The following KAZN variants were observed in gnomAD, a reference collection of about 807,000 sequenced individuals.
The protein encoded by KAZN is kazrin, periplakin interacting protein, also known as kazrin.
In KAZN, 40 loss-of-function variants were observed where a neutral mutation model predicts 87.4. The observed-to-expected ratio is 0.46, with a 90% CI of 0.36 to 0.60. The LOEUF is 0.60. KAZN is among the 20% of genes least tolerant of loss of function. KAZN has a pLI of 0.00. For synonymous variants in KAZN, 466 were observed against 458.3 expected (o/e 1.02, Z -0.22); for missense variants, 898 against 1,073.9 (o/e 0.84, Z 2.29).
intron 1 of KAZN, among the ~76,000 whole-genome samples, chr1:14,070,656 T>C (rs546607208): frequency 2.0e-5 from 3 of 152,214 alleles, no homozygotes; most frequent in Non-Finnish European, 4.4e-5. Flanking sequence ...ACCATATATG[T>C]GTGCTAGTTC....
intron 2 of KAZN, among the ~76,000 whole-genome samples, chr1:14,479,189 G>A (rs1668936343): frequency 6.6e-6 from 1 of 152,204 alleles, no homozygotes; most frequent in Non-Finnish European, 1.5e-5. Flanking sequence ...CAATGGAAAA[G>A]GCCCTGGGAC....
intron 2 of KAZN, among the ~76,000 whole-genome samples, chr1:14,280,747 TC>T (rs899898281): frequency 4.2e-4 from 64 of 152,244 alleles, no homozygotes; most frequent in African/African-American, 1.5e-3. Context: ...TACAAATACA[TC>T]CCATACACAG....
intron 1 of KAZN, among the ~76,000 whole-genome samples, chr1:14,930,415 C>T (rs935982453): frequency 2.0e-5 from 3 of 152,184 alleles, no homozygotes; most frequent in Non-Finnish European, 4.4e-5. Flanking sequence ...TTTATTCCCT[C>T]CCCTCACAGC....
chr1:14,539,921 T>G (rs751715546), intron 2 of KAZN, among the ~76,000 whole-genome samples: 1 of 152,200 alleles, frequency 6.6e-6, no homozygotes, highest in Non-Finnish European at 1.5e-5. Flanking sequence ...CTTTTCCTGA[T>G]CTCAATGACA....
intron 8 of KAZN, among the ~76,000 whole-genome samples, chr1:15,086,371 C>T (rs896049301): frequency 6.6e-6 from 1 of 152,166 alleles, no homozygotes; most frequent in Non-Finnish European, 1.5e-5. Context: ...GAAACAACAT[C>T]GTCAAAGCGC....
intron 2 of KAZN, among the ~76,000 whole-genome samples, chr1:14,977,875 G>A (rs756677153): frequency 4.6e-5 from 7 of 151,052 alleles, no homozygotes; most frequent in East Asian, 3.9e-4. Context: ...CTGCTGTGGG[G>A]TGCACGTCTT....
chr1:14,847,139 A>G (rs1316105490), intron 1 of KAZN, among the ~76,000 whole-genome samples: 1 of 152,204 alleles, frequency 6.6e-6, no homozygotes, highest in Admixed American at 6.5e-5. Flanking sequence ...AATAAAAATA[A>G]AAGATATGCC....
chr1:14,805,815 C>G (rs1456497405), intron 1 of KAZN, among the ~76,000 whole-genome samples: 1 of 149,692 alleles, frequency 6.7e-6, no homozygotes, highest in Non-Finnish European at 1.5e-5. Context: ...AAATTAAAAT[C>G]TGGCTAGATA....
chr1:14,901,208 C>T (rs547687437), intron 1 of KAZN, among the ~76,000 whole-genome samples: 1 of 152,186 alleles, frequency 6.6e-6, no homozygotes, highest in Non-Finnish European at 1.5e-5. Flanking sequence ...TGGCACCTGA[C>T]GTAGACCTGA....
chr1:14,316,560 C>G (rs981044189), intron 2 of KAZN, among the ~76,000 whole-genome samples: 7 of 151,756 alleles, frequency 4.6e-5, no homozygotes, highest in African/African-American at 9.7e-5. Flanking sequence ...TTATTGATGT[C>G]TGCTGTTACC....
chr1:14,040,803 A>ATAAAATTAAATTAACTTAAAT (rs1553119539), intron 1 of KAZN, among the ~76,000 whole-genome samples: 1 of 150,660 alleles, frequency 6.6e-6, no homozygotes, highest in Non-Finnish European at 1.5e-5. Context: ...TTAAATTAAA[A>ATAAAATTAAATTAACTTAAAT]TAAAATAAAA....
intron 8 of KAZN, among the ~76,000 whole-genome samples, chr1:15,078,234 A>G (rs1483177872): frequency 1.3e-5 from 2 of 151,904 alleles, no homozygotes; most frequent in Admixed American, 6.6e-5. Flanking sequence ...GGCCAATTCC[A>G]TCTCTACTAA....
At chr1:14,407,260 G>A (rs1663931494) in intron 2 of KAZN, among the ~76,000 whole-genome samples, 1 of 152,174 alleles carries the variant, frequency 6.6e-6, no homozygotes, top group Non-Finnish European at 1.5e-5. Context: ...TAAGACCTGG[G>A]AGAGGACTTG....
intron 1 of KAZN, among the ~76,000 whole-genome samples, chr1:14,636,656 C>G (rs555522612): frequency 6.6e-6 from 1 of 152,284 alleles, no homozygotes; most frequent in South Asian, 2.1e-4. Flanking sequence ...CTGAGGCAGC[C>G]TGATGCATGA....
chr1:14,198,640 T>C (rs907072487), intron 2 of KAZN, among the ~76,000 whole-genome samples: 1 of 152,142 alleles, frequency 6.6e-6, no homozygotes, highest in Non-Finnish European at 1.5e-5. Context: ...TTGGGGCAAT[T>C]GCGGAAGCAG....
At chr1:14,977,061 AAAAC>A (rs1053668099) in intron 2 of KAZN, among the ~76,000 whole-genome samples, 7 of 152,164 alleles carry the variant, frequency 4.6e-5, no homozygotes, top group East Asian at 1.9e-4. Flanking sequence ...TCTCAAATTA[AAAAC>A]AAACAAACAA....
chr1:14,520,020 G>C (rs1671503436), intron 2 of KAZN, among the ~76,000 whole-genome samples: 1 of 152,168 alleles, frequency 6.6e-6, no homozygotes. Flanking sequence ...CGTGCCATAG[G>C]TGGTGGCAAG....
intron 2 of KAZN, among the ~76,000 whole-genome samples, chr1:14,420,151 G>C (rs1455635213): frequency 6.6e-6 from 1 of 152,100 alleles, no homozygotes; most frequent in East Asian, 1.9e-4. Context: ...AGTTCTCCAA[G>C]TCCCCACTAG....
rs546146350 is a variant in KAZN, at chr1:14,135,459, C to T, written c.92-44976C>T. 9.2e-5 allele frequency among the ~76,000 whole-genome samples: 14 copies of T among 152,326 alleles called. 1 individual carries two copies. The South Asian group carries it at 2.9e-3, about 32-fold the overall frequency. ...GGCTCTCCAGGGAATAAAAATTAGC[C>T]TGCTGTCTGAAATGTTTATGAAAAC... On this transcript the variant is annotated intron_variant, in intron 1 of 16. Coordinates refer to the KAZN transcript ENST00000636203.
Sources: gnomAD v4.1 joint callset for allele counts (sites outside exome capture counted in the v4.1 genomes callset) on GRCh38, gnomAD v4.1.1 for gene constraint, MANE v1.5 for transcripts, NCBI Gene and HGNC (gene_info 2026-07-23, HGNC 2026-07-21) for gene names.